FAT3: variants seen among roughly 807,000 people sequenced by gnomAD.
FAT3 encodes protocadherin Fat 3.
Under a neutral mutation model 310.2 loss-of-function variants are expected in FAT3, and 95 were observed. The observed-to-expected ratio is 0.31, with a 90% CI of 0.26 to 0.36. The LOEUF is 0.36. Ranked by LOEUF, FAT3 falls within the 10% of genes least tolerant of loss-of-function variation. The probability of loss-of-function intolerance (pLI) is 1.00; values close to 1 mark genes in which losing one functional copy is unlikely to be tolerated. For synonymous variants in FAT3, 2,314 were observed against 2,192.9 expected (o/e 1.06, Z -1.54); for missense variants, 5,408 against 5,715.6 (o/e 0.95, Z 1.74).
intron 3 of FAT3, among the ~76,000 whole-genome samples, chr11:92,543,256 T>C (rs1298398479): frequency 6.6e-6 from 1 of 152,146 alleles, no homozygotes; most frequent in Non-Finnish European, 1.5e-5. Context: ...AGTTCTAGTG[T>C]TTTATTGCAC....
In FAT3 at chr11:92,857,293, C is replaced by T. The variant is rs1949006214; in HGVS notation, c.11445C>T (p.Ala3815=). 6.2e-7 allele frequency: 1 copy of T among 1,613,866 alleles called. No individual in the cohort carries two copies. The highest frequency in any genetic ancestry group is 1.3e-5 in the African/African-American group (1 of 74,928). Residue 3815 remains alanine, a synonymous_variant, in exon 20 of 28, where the codon GCC becomes GCT. Transcript: ENST00000525166. ...ACATGCAGTGTGTCAGTTATGAAGC[C>T]AGCAGGAGACCGTTCCTCTGCCAGT... is the stretch of plus-strand genomic sequence containing the variant. ...PGDMQCVSYE[A]SRRPFLCQCP...
chr11:92,267,648 T>G (rs1946006088), intron 1 of FAT3, among the ~76,000 whole-genome samples: 1 of 152,124 alleles, frequency 6.6e-6, no homozygotes, highest in African/African-American at 2.4e-5. Context: ...TCCTATCCAT[T>G]TTTTATATCC....
Position 92,866,919 on chromosome 11 carries a change from A to T in FAT3, c.11837A>T (p.Tyr3946Phe), listed in dbSNP as rs1949262200. ...GTGGAGCGGCGCCGGGCGCCCCTCT[A>T]CTTCCAGACGCTGAGCACTGAGAGT... is the stretch of plus-strand genomic sequence containing the variant. ...SYVERRRAPLYFQTLSTESSI... is the reference protein window; with the variant it reads ...SYVERRRAPLFFQTLSTESSI... Residue 3946 changes from tyrosine (Y) to phenylalanine (F), a missense_variant, in exon 22 of 28, where the codon TAC becomes TTC. This residue lies in a region of FAT3 where 4,588 missense variants were observed against 4,809.8 expected (regional missense o/e 0.95). Transcript: ENST00000525166. 6.2e-7 allele frequency: 1 copy of T among 1,613,908 alleles called. No homozygotes were observed. The highest frequency in any genetic ancestry group is 8.5e-7 in the Non-Finnish European group (1 of 1,179,864).
chr11:92,783,210 TA>T (rs2136138369), intron 7 of FAT3, among the ~76,000 whole-genome samples: 1 of 151,460 alleles, frequency 6.6e-6, no homozygotes, highest in East Asian at 2.0e-4. Context: ...ATACAAAAAT[TA>T]GCTGGGTGTG....
intron 3 of FAT3, among the ~76,000 whole-genome samples, chr11:92,553,963 GC>G (rs1954916740): frequency 6.6e-6 from 1 of 151,672 alleles, no homozygotes. Context: ...CCACTTTTAT[GC>G]CTGGATAATG....
chr11:92,605,855 G>A (rs1428705674), intron 3 of FAT3, among the ~76,000 whole-genome samples: 1 of 151,502 alleles, frequency 6.6e-6, no homozygotes, highest in African/African-American at 2.4e-5. Flanking sequence ...TTCAGTGACG[G>A]ATGTGTAATA....
rs1441488959 is a variant in FAT3 at position 92,895,565 on chromosome 11, A to G, written c.*4452A>G. On this transcript the variant is annotated 3_prime_UTR_variant, in exon 28 of 28. Coordinates refer to ENST00000525166, the MANE Select transcript of FAT3 (RefSeq NM_001367949.2). ...TTGGAGCGTGTTTGGACCAATTAGT[A>G]TGTACTGTAGTACCCTTCTGGCAAA... 1 of 152,196 alleles carries G rather than the reference A, an allele frequency of 6.6e-6. No homozygotes were observed. The highest frequency in any genetic ancestry group is 2.4e-5 in the African/African-American group (1 of 41,446). 9.4% of individuals were successfully genotyped at this position (152,196 alleles called of 1,614,324 possible).
rs775214608 is a variant in FAT3 at position 92,809,887 on chromosome 11, G to A, written c.9292G>A (p.Val3098Met). ...TCTGTTGGACCGGGAGAGGATCCCC[G>A]TGTACAGCCTGATGGCCAAGGCCAC... is the stretch of plus-strand genomic sequence containing the variant. ...LALLDRERIPVYSLMAKATDG... is the reference protein window; with the variant it reads ...LALLDRERIPMYSLMAKATDG... The change falls in exon 13 of 28, where the codon GTG becomes ATG. Residue 3098 changes from valine to methionine, a missense_variant. Transcript: ENST00000525166. The A allele has an allele frequency of 3.8e-5, 61 of 1,613,890 alleles. No individual in the cohort carries two copies. The highest frequency in any genetic ancestry group is 5.3e-5 in the African/African-American group (4 of 74,934).
At chr11:92,322,260 A>G (rs1254068632) in intron 1 of FAT3, among the ~76,000 whole-genome samples, 1 of 152,228 alleles carries the variant, frequency 6.6e-6, no homozygotes, top group Non-Finnish European at 1.5e-5. Flanking sequence ...TTAAGAATAC[A>G]ATAACATTAT....
At chr11:92,601,028 G>A (rs548319113) in intron 3 of FAT3, among the ~76,000 whole-genome samples, 6 of 152,244 alleles carry the variant, frequency 3.9e-5, no homozygotes, top group Non-Finnish European at 7.4e-5. Context: ...CAGGAGTCGG[G>A]GGAGAGATGT....
Position 92,509,227 on chromosome 11 carries a change from G to A in FAT3, c.3293-15407G>A, listed in dbSNP as rs556859444. Among the ~76,000 whole-genome samples the A allele has an allele frequency of 1.1e-4, 16 of 152,096 alleles. No homozygotes were observed. The South Asian group carries it at 2.5e-3, about 24-fold the overall frequency. On this transcript the variant is annotated intron_variant, in intron 2 of 27. Transcript: ENST00000525166. Reference sequence around the variant, plus strand: ...CAACAAATAATGCAAATCTTATAACGATTTAATCAAAATGTGATCTGAAAC... The same window carrying A: ...CAACAAATAATGCAAATCTTATAACAATTTAATCAAAATGTGATCTGAAAC...
intron 4 of FAT3, among the ~76,000 whole-genome samples, chr11:92,704,298 T>G (rs1238064505): frequency 2.6e-5 from 4 of 152,200 alleles, no homozygotes; most frequent in Admixed American, 2.6e-4. Flanking sequence ...CTCACTCTGC[T>G]GCTGGGCTGT....
At chr11:92,357,947 T>C (rs1190424189) in intron 2 of FAT3, among the ~76,000 whole-genome samples, 1 of 150,990 alleles carries the variant, frequency 6.6e-6, no homozygotes, top group Non-Finnish European at 1.5e-5. Flanking sequence ...GGCAAGTGTA[T>C]CTCTTGAGCT....
At chr11:92,436,315 A>T (rs1950938197) in intron 2 of FAT3, among the ~76,000 whole-genome samples, 1 of 151,428 alleles carries the variant, frequency 6.6e-6, no homozygotes, top group Admixed American at 6.6e-5. Flanking sequence ...AATTTTTAAA[A>T]TTTTTTTCTA....
At chr11:92,551,128 G>A (rs1224434703) in intron 3 of FAT3, among the ~76,000 whole-genome samples, 2 of 152,066 alleles carry the variant, frequency 1.3e-5, no homozygotes, top group Non-Finnish European at 2.9e-5. Flanking sequence ...AGGCAGGGCT[G>A]AGCTCCAAAG....
At chr11:92,339,173 G>T (rs1328772509) in intron 1 of FAT3, among the ~76,000 whole-genome samples, 1 of 152,168 alleles carries the variant, frequency 6.6e-6, no homozygotes, top group Non-Finnish European at 1.5e-5. Flanking sequence ...AGGCATGTAA[G>T]TTCTGTGTTT....
intron 3 of FAT3, among the ~76,000 whole-genome samples, chr11:92,560,994 C>A (rs2135468333): frequency 6.6e-6 from 1 of 152,206 alleles, no homozygotes; most frequent in African/African-American, 2.4e-5. Flanking sequence ...AGGAAGAATA[C>A]CTGTCAATGT....
rs1282725420 is a variant in FAT3 at position 92,799,197 on chromosome 11, C to T, written c.6184C>T (p.His2062Tyr). 1.9e-6 allele frequency: 3 copies of T among 1,613,916 alleles called. No individual in the cohort carries two copies. The highest frequency in any genetic ancestry group is 2.5e-6 in the Non-Finnish European group (3 of 1,179,870). ...LVVEASRELDHLRVARVVVRV... is the reference protein window; with the variant it reads ...LVVEASRELDYLRVARVVVRV... ...GGTAGAAGCCAGCCGTGAGCTGGAC[C>T]ATCTGCGTGTGGCCAGAGTGGTGGT... The change falls in exon 10 of 28, where the codon CAT becomes TAT. Residue 2062 changes from histidine to tyrosine, a missense_variant. Physicochemically the swap from His to Tyr is moderately conservative, Grantham distance 83 (BLOSUM62 2). Around this residue, in one of 5 missense-constraint regions of FAT3, gnomAD observed 4,588 missense variants for 4,809.8 expected, o/e 0.95. Coordinates refer to ENST00000525166, the MANE Select transcript of FAT3 (RefSeq NM_001367949.2).
intron 1 of FAT3, among the ~76,000 whole-genome samples, chr11:92,263,334 A>C (rs1470329190): frequency 3.3e-5 from 5 of 151,954 alleles, no homozygotes; most frequent in Non-Finnish European, 2.9e-5. Flanking sequence ...ATACACACAC[A>C]CACACCACAC....
Sources: allele counts gnomAD v4.1 joint callset (sites outside exome capture counted in the v4.1 genomes callset), GRCh38; gene constraint gnomAD v4.1.1; regional missense constraint gnomAD v4.1.1; transcripts MANE v1.5; gene names NCBI Gene and HGNC (gene_info 2026-07-23, HGNC 2026-07-21).